The following VPS50 variants were observed in gnomAD, a reference collection of about 807,000 sequenced individuals.
VPS50 encodes syndetin.
Under a neutral mutation model 139.7 loss-of-function variants are expected in VPS50, and 70 were observed. The ratio of observed to expected loss-of-function variants is 0.50; its 90% confidence interval spans 0.41 to 0.61. The LOEUF (loss-of-function observed/expected upper bound fraction) is 0.61, where lower values mean the gene tolerates loss of function less well. Among genes scored for constraint, VPS50 ranks in the 20% least tolerant of loss-of-function variants. The pLI is 0.00. For synonymous variants in VPS50, 365 were observed against 376.7 expected (o/e 0.97, Z 0.36); for missense variants, 921 against 1,133.7 (o/e 0.81, Z 2.69).
chr7:93,308,096 C>T (rs1006453288), intron 18 of VPS50, among the ~76,000 whole-genome samples: 2 of 150,110 alleles, frequency 1.3e-5, no homozygotes, highest in Admixed American at 6.6e-5. Flanking sequence ...GCCATTTAAT[C>T]GTATTAATCT....
chr7:93,274,197 T>C (rs1263956978), intron 11 of VPS50, among the ~76,000 whole-genome samples: 4 of 152,112 alleles, frequency 2.6e-5, no homozygotes, highest in Non-Finnish European at 5.9e-5. Context: ...TTAAGCTTAG[T>C]GAAGATGGCT....
chr7:93,329,430 G>T (rs1797872208), intron 21 of VPS50, among the ~76,000 whole-genome samples: 2 of 151,734 alleles, frequency 1.3e-5, no homozygotes, highest in African/African-American at 4.8e-5. Context: ...GGATTAAAAG[G>T]AAAAAAGTCT....
At position 93,355,597 on chromosome 7, in the gene VPS50, TACAG is replaced by T. The variant is rs557260921; in HGVS notation, c.2586-290_2586-287del. Among the ~76,000 whole-genome samples, 796 of 152,306 alleles carry T rather than the reference TACAG, an allele frequency of 5.2e-3. 7 individuals are homozygous for T. The highest frequency in any genetic ancestry group is 0.018 in the African/African-American group (767 of 41,568). ...AACTGGAATACCAGTTTAACTTTCT[TACAG>T]ACAATTATGTTGATTGAATACAGAG... is the stretch of plus-strand genomic sequence containing the variant. On this transcript the variant is annotated intron_variant, in intron 26 of 27. Coordinates refer to ENST00000305866, the MANE Select transcript of VPS50 (RefSeq NM_017667.4).
chr7:93,341,067 A>G (rs1355824789), intron 22 of VPS50, among the ~76,000 whole-genome samples: 3 of 152,240 alleles, frequency 2.0e-5, no homozygotes, highest in Non-Finnish European at 2.9e-5. Context: ...GGATTTTATC[A>G]GCATGGTTCT....
intron 2 of VPS50, among the ~76,000 whole-genome samples, chr7:93,250,551 G>T (rs1795291622): frequency 6.6e-6 from 1 of 152,032 alleles, no homozygotes; most frequent in South Asian, 2.1e-4. Context: ...ACCCAAGATG[G>T]ATTAAAGACT....
In VPS50 at chr7:93,359,482, C is replaced by A. The variant is rs1798791639; in HGVS notation, c.*1046C>A. 6.6e-6 allele frequency: 1 copy of A among 152,162 alleles called. No individual in the cohort carries two copies. The highest frequency in any genetic ancestry group is 2.4e-5 in the African/African-American group (1 of 41,440). 9.4% of individuals were successfully genotyped at this position (152,162 alleles called of 1,614,324 possible). ...TGTTCCTCTAAACTTTGCCCTGAAG[C>A]CAGGGATCTTCTCCTAATGTATGTG... On this transcript the variant is annotated 3_prime_UTR_variant, in exon 28 of 28. Transcript: ENST00000305866.
chr7:93,358,595 C>G lies in VPS50; in HGVS notation c.*159C>G. ...AAAATATTGAAATGTGTGTGGTGTTCTCATGACTTTTATATGCTGTGGTCT... is the reference window on the plus strand; with the variant it reads ...AAAATATTGAAATGTGTGTGGTGTTGTCATGACTTTTATATGCTGTGGTCT... On this transcript the variant is annotated 3_prime_UTR_variant, in exon 28 of 28. Coordinates refer to ENST00000305866, the MANE Select transcript of VPS50 (RefSeq NM_017667.4). 1.6e-6 allele frequency: 1 copy of G among 623,316 alleles called. No homozygotes were observed. The highest frequency in any genetic ancestry group is 2.8e-6 in the Non-Finnish European group (1 of 355,254). The allele number at this position is 623,316 out of a possible 1,614,324, so 38.6% of individuals were successfully genotyped here. A position where few individuals can be genotyped will look rare whatever the true frequency, so the allele number is the denominator to read the frequency against.
intron 26 of VPS50, among the ~76,000 whole-genome samples, chr7:93,355,528 A>G (rs778432786): frequency 2.6e-5 from 4 of 152,218 alleles, no homozygotes; most frequent in South Asian, 2.1e-4. Context: ...ACTTTGAAGT[A>G]TTCAAAGCTT....
chr7:93,350,641 TA>T (rs1344916128), intron 25 of VPS50, among the ~76,000 whole-genome samples: 2 of 151,900 alleles, frequency 1.3e-5, no homozygotes, highest in Admixed American at 6.6e-5. Context: ...GAGATAGCAG[TA>T]AACAGGTAAA....
chr7:93,268,322 A>G (rs1037211263), intron 9 of VPS50, among the ~76,000 whole-genome samples: 7 of 149,718 alleles, frequency 4.7e-5, no homozygotes, highest in Non-Finnish European at 8.9e-5. Flanking sequence ...TTAGGAAGCT[A>G]TTTTTTTTTT....
chr7:93,246,077 C>A, intron 2 of VPS50: 1 of 1,479,912 alleles, frequency 6.8e-7, no homozygotes, highest in Non-Finnish European at 9.1e-7. Flanking sequence ...GGTCACTAAA[C>A]GCTTCTTTTT....
At chr7:93,330,305 G>C (rs900141621) in intron 21 of VPS50, among the ~76,000 whole-genome samples, 3 of 152,030 alleles carry the variant, frequency 2.0e-5, no homozygotes, top group Non-Finnish European at 4.4e-5. Flanking sequence ...AGGAAAGGAA[G>C]AACCAAGGAG....
intron 11 of VPS50, chr7:93,273,337 T>C (rs1417330871): frequency 6.6e-6 from 1 of 152,102 alleles, no homozygotes; most frequent in Non-Finnish European, 1.5e-5. Flanking sequence ...TTTGTTTGTA[T>C]AGGATTATAT....
chr7:93,245,297 G>A (rs373173410), intron 2 of VPS50, among the ~76,000 whole-genome samples: 2 of 151,852 alleles, frequency 1.3e-5, no homozygotes, highest in East Asian at 1.9e-4. Context: ...GGTTGCATTG[G>A]AAGGACATTT....
At chr7:93,292,438 A>G (rs1348073013) in intron 13 of VPS50, among the ~76,000 whole-genome samples, 1 of 152,124 alleles carries the variant, frequency 6.6e-6, no homozygotes, top group Non-Finnish European at 1.5e-5. Context: ...AAATTGCTTC[A>G]TTTGTATAAT....
In VPS50 at chr7:93,308,885, C is replaced by T. The variant is rs1265974629; in HGVS notation, c.1691C>T (p.Pro564Leu). 3.1e-6 allele frequency: 5 copies of T among 1,608,854 alleles called. No individual in the cohort carries two copies. In the Admixed American group the frequency reaches 8.4e-5, roughly 27 times the overall value. Residue 564 changes from proline (P) to leucine (L), a missense_variant, in exon 19 of 28, where the codon CCT (proline) becomes CTT (leucine). Pro to Leu is a moderately conservative substitution (Grantham distance 98). Around this residue, in one of 3 missense-constraint regions of VPS50, gnomAD observed 744 missense variants for 930.6 expected, o/e 0.80. Transcript: ENST00000305866. Reference sequence around the variant, plus strand: ...GAGTATGACAGTGACAGTGATGTTCCTGAGGAACTCAAACGAGACTATGTG... The same window carrying T: ...GAGTATGACAGTGACAGTGATGTTCTTGAGGAACTCAAACGAGACTATGTG... ...YQEYDSDSDV[P>L]EELKRDYVDE...
At position 93,355,921 on chromosome 7, in the gene VPS50, G is replaced by T; in HGVS notation, c.2616G>T (p.Glu872Asp). The T allele has an allele frequency of 6.3e-7, 1 of 1,594,380 alleles. No individual in the cohort carries two copies. Among genetic ancestry groups the T allele is most frequent in the Non-Finnish European group, 8.6e-7 (1 of 1,166,482 alleles). Residue 872 changes from glutamate (E) to aspartate (D), a missense_variant, in exon 27 of 28, where the codon GAG (glutamate) becomes GAT (aspartate). By Grantham distance (45) the Glu-to-Asp change is conservative (BLOSUM62 2). This residue lies in a region of VPS50 where 158 missense variants were observed against 156.3 expected (regional missense o/e 1.01). Coordinates refer to ENST00000305866, the MANE Select transcript of VPS50 (RefSeq NM_017667.4). ...GYANVKKCSN[E>D]GRALMQLDFQ... ...CCAATGTCAAGAAATGCAGTAATGA[G>T]GGTCGTGCCCTGATGCAATTGGATT...
chr7:93,350,052 A>T lies in VPS50; in HGVS notation c.2463+19A>T, dbSNP rs745391358. 2 of 1,589,224 alleles carry T rather than the reference A, an allele frequency of 1.3e-6. No homozygotes were observed. Among genetic ancestry groups the T allele is most frequent in the Non-Finnish European group, 1.7e-6 (2 of 1,161,148 alleles). On this transcript the variant is annotated intron_variant, in intron 25 of 27. Coordinates refer to ENST00000305866, the MANE Select transcript of VPS50 (RefSeq NM_017667.4). ...ATTAAAGGCAAGTGTTCTGGGAAGCACCTGTGCTAAAGATCAATCTACTAA... is the reference window on the plus strand; with the variant it reads ...ATTAAAGGCAAGTGTTCTGGGAAGCTCCTGTGCTAAAGATCAATCTACTAA...
In VPS50 at chr7:93,239,922, G is replaced by T; in HGVS notation, c.90G>T (p.Arg30=). Residue 30 remains arginine, a synonymous_variant, in exon 2 of 28, where the codon CGG becomes CGT. Transcript: ENST00000305866. ...LSDLGAIESL[R]VPGKEEFREL... ...ATCTTGGTGCCATAGAGAGTCTCCG[G>T]GTCCCTGGAAAGGTATTGAGCTACA... 1 of 1,599,642 alleles carries T rather than the reference G, an allele frequency of 6.3e-7. No homozygotes were observed. Among genetic ancestry groups the T allele is most frequent in the Non-Finnish European group, 8.6e-7 (1 of 1,167,504 alleles).
Sources: allele counts gnomAD v4.1 joint callset (sites outside exome capture counted in the v4.1 genomes callset), GRCh38; gene constraint gnomAD v4.1.1; regional missense constraint gnomAD v4.1.1; transcripts MANE v1.5; gene names NCBI Gene and HGNC (gene_info 2026-07-23, HGNC 2026-07-21).